Variants in SEMA5A observed in about 807,000 individuals in gnomAD.
SEMA5A encodes the protein semaphorin 5A, also known as semaphorin-5A.
SEMA5A carries 55 observed loss-of-function variants against 135.5 expected under a neutral mutation model. The observed-to-expected ratio is 0.41, with a 90% CI of 0.33 to 0.51. The LOEUF (loss-of-function observed/expected upper bound fraction) is 0.51, where lower values mean the gene tolerates loss of function less well. Ranked by LOEUF, SEMA5A falls within the 20% of genes least tolerant of loss-of-function variation. The pLI is 0.37. For synonymous variants in SEMA5A, 580 were observed against 546.5 expected, an observed-to-expected ratio of 1.06 and a Z score of -0.85; for missense variants, 1,290 against 1,419.9, an observed-to-expected ratio of 0.91 and a Z score of 1.47.
chr5:9,247,504 A>G (rs1748540814), intron 5 of SEMA5A, among the ~76,000 whole-genome samples: 1 of 152,200 alleles, frequency 6.6e-6, no homozygotes, highest in Admixed American at 6.5e-5. Flanking sequence ...TCTATGCACT[A>G]GACTCACTGG....
At chr5:9,280,039 G>A (rs529434703) in intron 5 of SEMA5A, among the ~76,000 whole-genome samples, 4 of 152,164 alleles carry the variant, frequency 2.6e-5, no homozygotes, top group Non-Finnish European at 5.9e-5. Context: ...GATGCAGAAT[G>A]ATGAGTGTCT....
intron 4 of SEMA5A, among the ~76,000 whole-genome samples, chr5:9,329,015 C>A (rs1219024624): frequency 1.3e-5 from 2 of 152,184 alleles, no homozygotes; most frequent in African/African-American, 4.8e-5. Context: ...TGCCACGGAG[C>A]CAAGCACTTT....
At chr5:9,181,543 C>T (rs1207064249) in intron 11 of SEMA5A, among the ~76,000 whole-genome samples, 1 of 152,126 alleles carries the variant, frequency 6.6e-6, no homozygotes, top group Non-Finnish European at 1.5e-5. Flanking sequence ...TTCCCCAGCT[C>T]ACACCCTCTC....
At chr5:9,378,309 T>G (rs780844530) in intron 3 of SEMA5A, among the ~76,000 whole-genome samples, 1 of 152,158 alleles carries the variant, frequency 6.6e-6, no homozygotes, top group Non-Finnish European at 1.5e-5. Flanking sequence ...GAAGGAAAGA[T>G]AGTTTATATA....
At chr5:9,430,149 G>A (rs1212656707) in intron 2 of SEMA5A, among the ~76,000 whole-genome samples, 1 of 152,206 alleles carries the variant, frequency 6.6e-6, no homozygotes. Context: ...GGGTGACAGA[G>A]AAAGAGAATA....
intron 3 of SEMA5A, among the ~76,000 whole-genome samples, chr5:9,351,738 CCACA>C (rs1162850253): frequency 6.6e-6 from 1 of 152,102 alleles, no homozygotes; most frequent in East Asian, 1.9e-4. Context: ...TGAAATACAC[CCACA>C]CAGATGAAGA....
At chr5:9,328,538 A>C (rs1752977034) in intron 4 of SEMA5A, among the ~76,000 whole-genome samples, 1 of 152,096 alleles carries the variant, frequency 6.6e-6, no homozygotes, top group African/African-American at 2.4e-5. Context: ...TAGCACTTTG[A>C]GAGGCCAAGG....
intron 16 of SEMA5A, among the ~76,000 whole-genome samples, chr5:9,073,588 C>G (rs1019649643): frequency 4.6e-5 from 7 of 152,014 alleles, no homozygotes; most frequent in African/African-American, 1.7e-4. Context: ...TCAAGATTAT[C>G]CTGGAAGTTC....
intron 21 of SEMA5A, among the ~76,000 whole-genome samples, chr5:9,046,735 A>G (rs892081578): frequency 6.6e-6 from 1 of 152,210 alleles, no homozygotes; most frequent in African/African-American, 2.4e-5. Flanking sequence ...GCTGCTCCAG[A>G]CAATGTGTTC....
intron 1 of SEMA5A, among the ~76,000 whole-genome samples, chr5:9,455,380 C>T (rs948365417): frequency 2.0e-5 from 3 of 152,004 alleles, no homozygotes; most frequent in South Asian, 2.1e-4. Flanking sequence ...CCCAGCCTCC[C>T]GAGTAGCTGG....
chr5:9,278,779 C>T (rs1750393727), intron 5 of SEMA5A, among the ~76,000 whole-genome samples: 2 of 152,212 alleles, frequency 1.3e-5, no homozygotes, highest in Non-Finnish European at 2.9e-5. Flanking sequence ...GCCTCAGTAG[C>T]ATCTACGTGG....
At chr5:9,058,093 T>C (rs1736990269) in intron 18 of SEMA5A, among the ~76,000 whole-genome samples, 1 of 152,178 alleles carries the variant, frequency 6.6e-6, no homozygotes, top group African/African-American at 2.4e-5. Context: ...GTCAGGGGCC[T>C]GAGTGAGGCT....
intron 3 of SEMA5A, among the ~76,000 whole-genome samples, chr5:9,339,996 T>C (rs545331974): frequency 1.3e-5 from 2 of 152,232 alleles, no homozygotes; most frequent in East Asian, 3.9e-4. Flanking sequence ...ACAAAACAGT[T>C]ACCAAATTAA....
chr5:9,465,944 C>G (rs1035732489), intron 1 of SEMA5A, among the ~76,000 whole-genome samples: 1 of 152,190 alleles, frequency 6.6e-6, no homozygotes, highest in African/African-American at 2.4e-5. Flanking sequence ...GAGAAGAGAA[C>G]TTCAGAGAGA....
At chr5:9,044,348 A>T in intron 22 of SEMA5A, 25 bp downstream of exon 22, 1 of 1,590,310 alleles carries the variant, frequency 6.3e-7, no homozygotes, top group Non-Finnish European at 8.6e-7. Flanking sequence ...CCAGGCACTT[A>T]GCAGAAATAT....
intron 5 of SEMA5A, among the ~76,000 whole-genome samples, chr5:9,258,523 A>T (rs1184335552): frequency 1.3e-5 from 2 of 152,152 alleles, no homozygotes; most frequent in Admixed American, 6.5e-5. Flanking sequence ...GTACAAGACA[A>T]TGGAAGAAGT....
At position 9,296,902 on chromosome 5, in the gene SEMA5A, C is replaced by CAA. The variant is rs34923583; in HGVS notation, c.270+21468_270+21469dup. Among the ~76,000 whole-genome samples, 87 of 134,656 alleles carry CAA rather than the reference C, an allele frequency of 6.5e-4. 2 individuals carry two copies. The highest frequency in any genetic ancestry group is 2.3e-3 in the African/African-American group (81 of 35,708). 88.3% of individuals were successfully genotyped at this position (134,656 alleles called of 152,430 possible). On this transcript the variant is annotated intron_variant, in intron 5 of 22. Transcript: ENST00000382496. ...GACATTATGCTCCAAACTGTGATCT[C>CAA]AAAAAAAAAAAAAAAAAAAGATATA... is the stretch of plus-strand genomic sequence containing the variant.
intron 8 of SEMA5A, among the ~76,000 whole-genome samples, chr5:9,213,245 C>A (rs534633364): frequency 1.3e-5 from 2 of 152,304 alleles, no homozygotes; most frequent in East Asian, 3.9e-4. Context: ...ACCATAGCAC[C>A]ATTTAACTCA....
At chr5:9,168,169 T>C (rs1202574244) in intron 11 of SEMA5A, among the ~76,000 whole-genome samples, 1 of 152,066 alleles carries the variant, frequency 6.6e-6, no homozygotes, top group Non-Finnish European at 1.5e-5. Context: ...GAGCCGTAAG[T>C]ACAGCAGAGT....
Sources: allele counts gnomAD v4.1 joint callset (sites outside exome capture counted in the v4.1 genomes callset), GRCh38; gene constraint gnomAD v4.1.1; transcripts MANE v1.5; gene names NCBI Gene and HGNC (gene_info 2026-07-23, HGNC 2026-07-21).